Variants in PLCG2 observed in about 807,000 individuals in gnomAD.
The protein encoded by PLCG2 is phospholipase C gamma 2, also known as 1-phosphatidylinositol 4,5-bisphosphate phosphodiesterase gamma-2.
PLCG2 carries 69 observed loss-of-function variants against 175.6 expected under a neutral mutation model. That is an observed-to-expected ratio of 0.39 (90% CI 0.32 to 0.48). The LOEUF (loss-of-function observed/expected upper bound fraction) is 0.48. Among genes scored for constraint, PLCG2 ranks in the 20% least tolerant of loss-of-function variants. The probability of loss-of-function intolerance (pLI) is 0.91; values close to 1 mark genes in which losing one functional copy is unlikely to be tolerated. For missense variants in PLCG2, 1,798 were observed against 1,650.9 expected (o/e 1.09, Z -1.54); for synonymous variants, 827 against 624.0 (o/e 1.33, Z -4.85).
chr16:81,763,145 G>A (rs757543384), intron 2 of PLCG2, among the ~76,000 whole-genome samples: 1 of 152,190 alleles, frequency 6.6e-6, no homozygotes, highest in Non-Finnish European at 1.5e-5. Context: ...GGAGACTGAA[G>A]AAGAGGCCTT....
intron 7 of PLCG2, among the ~76,000 whole-genome samples, chr16:81,872,750 C>T (rs117868352): frequency 1.2e-3 from 183 of 152,310 alleles, no homozygotes; most frequent in Non-Finnish European, 2.2e-3. Flanking sequence ...GCTGTGGTTT[C>T]TGCAGTTAGC....
intron 13 of PLCG2, among the ~76,000 whole-genome samples, chr16:81,897,045 G>T (rs8062699): frequency 0.33 from 50,109 of 152,062 alleles, 9,742 homozygotes; most frequent in East Asian, 0.68. Context: ...CAACTATTCA[G>T]CCCTGTTGCT....
At chr16:81,907,808 T>A (rs762330556) in intron 16 of PLCG2, 34 bp downstream of exon 16, 1 of 1,535,386 alleles carries the variant, frequency 6.5e-7, no homozygotes. Flanking sequence ...AGGGAGGAGG[T>A]CCCCAGGAAC....
chr16:81,831,277 A>G (rs1457854954), intron 2 of PLCG2, among the ~76,000 whole-genome samples: 1 of 152,190 alleles, frequency 6.6e-6, no homozygotes, highest in Non-Finnish European at 1.5e-5. Context: ...TCATAGCTGT[A>G]TCCCCAGCTC....
At chr16:81,790,213 T>G (rs940637848) in intron 2 of PLCG2, among the ~76,000 whole-genome samples, 1 of 152,210 alleles carries the variant, frequency 6.6e-6, no homozygotes, top group Non-Finnish European at 1.5e-5. Flanking sequence ...TTCAGGATGT[T>G]TGCTGTTGTT....
chr16:81,767,928 T>G (rs1390668038), intron 2 of PLCG2: 1 of 152,208 alleles, frequency 6.6e-6, no homozygotes, highest in Non-Finnish European at 1.5e-5. Flanking sequence ...TTGCTCTTGT[T>G]GCCTAGGCTG....
At chr16:81,874,932 A>T (rs549844000) in intron 7 of PLCG2, among the ~76,000 whole-genome samples, 1 of 121,584 alleles carries the variant, frequency 8.2e-6, no homozygotes, top group Non-Finnish European at 1.7e-5. Context: ...ACTATTTGCT[A>T]GGCACTATCC....
At chr16:81,804,920 C>G (rs117847874) in intron 2 of PLCG2, among the ~76,000 whole-genome samples, 174 of 152,322 alleles carry the variant, frequency 1.1e-3, no homozygotes, top group Non-Finnish European at 2.1e-3. Flanking sequence ...TACAAGCTCA[C>G]ATGTATCCAT....
At chr16:81,811,046 C>A (rs528155396) in intron 2 of PLCG2, among the ~76,000 whole-genome samples, 1 of 152,180 alleles carries the variant, frequency 6.6e-6, no homozygotes, top group Non-Finnish European at 1.5e-5. Flanking sequence ...CCACATTTAA[C>A]CTGTGTACCA....
At chr16:81,838,916 C>G (rs1567491546) in intron 2 of PLCG2, among the ~76,000 whole-genome samples, 1 of 151,884 alleles carries the variant, frequency 6.6e-6, no homozygotes, top group Non-Finnish European at 1.5e-5. Context: ...TGACCCAGTC[C>G]TCTCTTTAGG....
intron 5 of PLCG2, among the ~76,000 whole-genome samples, chr16:81,863,864 G>T (rs1295363621): frequency 6.6e-6 from 1 of 152,140 alleles, no homozygotes; most frequent in African/African-American, 2.4e-5. Flanking sequence ...AAGGGTGAGG[G>T]GGTTGCAGGT....
chr16:81,936,372 A>T lies in PLCG2; in HGVS notation c.3046A>T (p.Thr1016Ser). 6.2e-7 allele frequency: 1 copy of T among 1,613,372 alleles called. No homozygotes were observed. Among genetic ancestry groups the T allele is most frequent in the Middle Eastern group, 1.8e-4 (1 of 5,612 alleles). ...GSQMVALNFQ[T>S]ADKYMQMNHA... The stretch of plus-strand genomic sequence containing the variant: ...TCAGATGGTGGCACTCAATTTCCAG[A>T]CGGCAGGTAAAGGCCGACTGAAGGT... Residue 1016 changes from threonine (T) to serine (S), a missense_variant, in exon 27 of 33, where the codon ACG (threonine) becomes TCG (serine). Coordinates refer to ENST00000564138, the MANE Select transcript of PLCG2 (RefSeq NM_002661.5).
At chr16:81,886,037 T>C (rs191884330) in intron 9 of PLCG2, among the ~76,000 whole-genome samples, 143 of 152,314 alleles carry the variant, frequency 9.4e-4, no homozygotes, top group Middle Eastern at 3.4e-3. Flanking sequence ...ATTCATGCAC[T>C]TTTTTCCCTT....
intron 5 of PLCG2, among the ~76,000 whole-genome samples, chr16:81,867,946 G>A (rs12923507): frequency 2.6e-5 from 4 of 152,040 alleles, no homozygotes; most frequent in Non-Finnish European, 4.4e-5. Context: ...TGATCCGCCC[G>A]CCTCAGCCTC....
chr16:81,827,672 G>A (rs1007010758), intron 2 of PLCG2, among the ~76,000 whole-genome samples: 3 of 152,122 alleles, frequency 2.0e-5, no homozygotes, highest in East Asian at 3.9e-4. Context: ...CGTGGTTAAC[G>A]GGGAGTCAGT....
At chr16:81,811,819 G>A (rs993446563) in intron 2 of PLCG2, among the ~76,000 whole-genome samples, 24 of 152,148 alleles carry the variant, frequency 1.6e-4, no homozygotes, top group Admixed American at 1.2e-3. Flanking sequence ...GAATAGTGCC[G>A]CAATAAACAT....
At chr16:81,800,331 G>T (rs1304402878) in intron 2 of PLCG2, among the ~76,000 whole-genome samples, 1 of 152,150 alleles carries the variant, frequency 6.6e-6, no homozygotes. Flanking sequence ...AGCCCTGCAT[G>T]TATTAGCTAT....
intron 2 of PLCG2, among the ~76,000 whole-genome samples, chr16:81,809,708 C>T (rs1904301081): frequency 6.6e-6 from 1 of 151,840 alleles, no homozygotes; most frequent in African/African-American, 2.4e-5. Context: ...TGTGCCTATG[C>T]ATGTGTCTTT....
intron 2 of PLCG2, among the ~76,000 whole-genome samples, chr16:81,773,625 T>A (rs1444829626): frequency 6.6e-6 from 1 of 152,172 alleles, no homozygotes. Flanking sequence ...GCAGTCTGGT[T>A]CTTAGCATAA....
Sources: gnomAD v4.1 joint callset for allele counts (sites outside exome capture counted in the v4.1 genomes callset) on GRCh38, gnomAD v4.1.1 for gene constraint, MANE v1.5 for transcripts, NCBI Gene and HGNC (gene_info 2026-07-23, HGNC 2026-07-21) for gene names.